Variants in ENOX1 observed in about 807,000 individuals in gnomAD.
ENOX1 encodes the protein candidate growth-related and time keeping constitutive hydroquinone (NADH) oxidase.
Under a neutral mutation model 82.5 loss-of-function variants are expected in ENOX1, and 42 were observed. The observed-to-expected ratio is 0.51, with a 90% CI of 0.40 to 0.66. The LOEUF is 0.66. ENOX1 is among the 30% of genes least tolerant of loss of function. ENOX1 has a pLI of 0.00. For synonymous variants in ENOX1, 271 were observed against 282.2 expected, an observed-to-expected ratio of 0.96 and a Z score of 0.40; for missense variants, 608 against 811.6, an observed-to-expected ratio of 0.75 and a Z score of 3.05.
intron 3 of ENOX1, among the ~76,000 whole-genome samples, chr13:43,472,840 AGTAAT>A (rs751149475): frequency 9.9e-5 from 15 of 152,252 alleles, no homozygotes; most frequent in Admixed American, 2.0e-4. Flanking sequence ...CTAAGTACAG[AGTAAT>A]GAAAGGTTAA....
At chr13:43,651,296 G>A (rs1231093249) in intron 2 of ENOX1, among the ~76,000 whole-genome samples, 1 of 152,146 alleles carries the variant, frequency 6.6e-6, no homozygotes, top group African/African-American at 2.4e-5. Context: ...CAGGGATGAA[G>A]AGGGAAGGGA....
chr13:43,491,614 A>C (rs2076622112), intron 2 of ENOX1, among the ~76,000 whole-genome samples: 1 of 152,082 alleles, frequency 6.6e-6, no homozygotes, highest in Non-Finnish European at 1.5e-5. Context: ...CTAAAAGTAC[A>C]AAAATAGCCA....
At chr13:43,448,775 C>T (rs1440921594) in intron 3 of ENOX1, among the ~76,000 whole-genome samples, 1 of 152,222 alleles carries the variant, frequency 6.6e-6, no homozygotes, top group Non-Finnish European at 1.5e-5. Flanking sequence ...CACTCGCCAA[C>T]TCTCCTGGCA....
intron 2 of ENOX1, among the ~76,000 whole-genome samples, chr13:43,635,372 G>A (rs1323669990): frequency 6.6e-6 from 1 of 152,122 alleles, no homozygotes; most frequent in African/African-American, 2.4e-5. Flanking sequence ...CTACTGATGA[G>A]CATTTCTTTC....
chr13:43,768,913 G>C (rs1159092307), intron 1 of ENOX1, among the ~76,000 whole-genome samples: 1 of 152,170 alleles, frequency 6.6e-6, no homozygotes, highest in Non-Finnish European at 1.5e-5. Flanking sequence ...ATTATTAGGT[G>C]AATCTCTCCA....
At chr13:43,482,619 T>C (rs1049128939) in intron 3 of ENOX1, among the ~76,000 whole-genome samples, 3 of 150,384 alleles carry the variant, frequency 2.0e-5, no homozygotes, top group African/African-American at 7.3e-5. Context: ...GTAGATTTCA[T>C]ATTTTGTGTG....
At chr13:43,362,238 T>TG (rs1471418785) in intron 5 of ENOX1, among the ~76,000 whole-genome samples, 1 of 151,892 alleles carries the variant, frequency 6.6e-6, no homozygotes, top group Non-Finnish European at 1.5e-5. Flanking sequence ...AGCTTTTTTT[T>TG]TTTTTAGTGT....
At chr13:43,726,718 TTGTGTGTGTGTGTGTG>T (rs55918525) in intron 1 of ENOX1, among the ~76,000 whole-genome samples, 13 of 144,796 alleles carry the variant, frequency 9.0e-5, no homozygotes, top group African/African-American at 2.5e-4. Context: ...GCATTGACTT[TTGTGTGTGTGTGTGTG>T]TGTGTGTGTG....
At chr13:43,218,483 C>T (rs980914999) in intron 16 of ENOX1, among the ~76,000 whole-genome samples, 25 of 151,952 alleles carry the variant, frequency 1.6e-4, no homozygotes, top group Admixed American at 1.1e-3. Context: ...AAAAATTAGC[C>T]GATATGGTGG....
At chr13:43,753,912 G>A (rs1466498310) in intron 1 of ENOX1, among the ~76,000 whole-genome samples, 4 of 109,548 alleles carry the variant, frequency 3.7e-5, no homozygotes, top group Non-Finnish European at 6.0e-5. Flanking sequence ...ATCCAATTAC[G>A]ACCAGATTTC....
intron 1 of ENOX1, among the ~76,000 whole-genome samples, chr13:43,752,860 C>CTT (rs552470782): frequency 2.1e-5 from 3 of 146,078 alleles, no homozygotes; most frequent in African/African-American, 5.0e-5. Context: ...CATTGCATTT[C>CTT]TTTTTTTTTT....
intron 9 of ENOX1, among the ~76,000 whole-genome samples, chr13:43,343,716 C>T (rs2049200093): frequency 1.3e-5 from 2 of 152,174 alleles, no homozygotes; most frequent in African/African-American, 4.8e-5. Context: ...GTCACTACCA[C>T]ATAGGGCCCT....
At chr13:43,707,347 GC>G (rs2087363871) in intron 1 of ENOX1, among the ~76,000 whole-genome samples, 1 of 152,078 alleles carries the variant, frequency 6.6e-6, no homozygotes, top group African/African-American at 2.4e-5. Context: ...TAGATTCAAT[GC>G]CATCCCAATG....
intron 2 of ENOX1, among the ~76,000 whole-genome samples, chr13:43,498,835 T>C (rs1378679879): frequency 1.3e-5 from 2 of 152,118 alleles, no homozygotes; most frequent in African/African-American, 2.4e-5. Context: ...AATTCTTTTA[T>C]ATTCTTCCAT....
intron 3 of ENOX1, among the ~76,000 whole-genome samples, chr13:43,471,357 G>A (rs2058059142): frequency 6.6e-6 from 1 of 152,064 alleles, no homozygotes; most frequent in African/African-American, 2.4e-5. Context: ...AGATACATTT[G>A]TCAGAACTCA....
chr13:43,364,041 T>C (rs2050690838), intron 5 of ENOX1, among the ~76,000 whole-genome samples: 1 of 152,242 alleles, frequency 6.6e-6, no homozygotes, highest in African/African-American at 2.4e-5. Context: ...GATTCAGTAT[T>C]TGAGAGGAGA....
chr13:43,585,253 G>A (rs1311181520), intron 2 of ENOX1, among the ~76,000 whole-genome samples: 1 of 152,196 alleles, frequency 6.6e-6, no homozygotes, highest in South Asian at 2.1e-4. Flanking sequence ...CAGCCTTTAG[G>A]AGCTAGAAGA....
intron 3 of ENOX1, among the ~76,000 whole-genome samples, chr13:43,435,492 A>G (rs1415283508): frequency 6.6e-6 from 1 of 152,200 alleles, no homozygotes; most frequent in Non-Finnish European, 1.5e-5. Context: ...CACGGCACCA[A>G]GCTTCAGATT....
chr13:43,249,101 T>C (rs1364960529), intron 14 of ENOX1, among the ~76,000 whole-genome samples: 3 of 152,120 alleles, frequency 2.0e-5, no homozygotes, highest in African/African-American at 4.8e-5. Flanking sequence ...AAGCTGGCAA[T>C]GAAATGACTT....
Sources: allele counts gnomAD v4.1 joint callset (sites outside exome capture counted in the v4.1 genomes callset), GRCh38; gene constraint gnomAD v4.1.1; transcripts MANE v1.5; gene names NCBI Gene and HGNC (gene_info 2026-07-23, HGNC 2026-07-21).